CASK: variants seen among roughly 807,000 people sequenced by gnomAD.
CASK encodes the protein peripheral plasma membrane protein CASK.
In CASK, 4 loss-of-function variants were observed where a neutral mutation model predicts 82.9. The observed-to-expected ratio is 0.05, with a 90% CI of 0.02 to 0.11. The LOEUF (loss-of-function observed/expected upper bound fraction) is 0.11. Ranked by LOEUF, CASK falls within the 10% of genes least tolerant of loss-of-function variation. CASK has a pLI of 1.00. For missense variants in CASK, 358 were observed against 720.9 expected (o/e 0.50, Z 5.76); for synonymous variants, 259 against 253.5 (o/e 1.02, Z -0.20).
intron 11 of CASK, among the ~76,000 whole-genome samples, chrX:41,612,453 C>T (rs1379227315): frequency 1.9e-5 from 2 of 103,578 alleles, no homozygotes; most frequent in Non-Finnish European, 4.0e-5. Context: ...GTGAGGAGCC[C>T]CTCCGCCCGG....
rs775363462 is a variant in CASK at position 41,690,513 on chromosome X, A to AT, written c.430-18984dup. On this transcript the variant is annotated intron_variant, in intron 5 of 26. Transcript: ENST00000378163. ...AGGTGCGTGCCACCACGCCCTGCTAATTTTTTTTTTTTTTTTTGGTATTTT... is the reference window on the plus strand; with the variant it reads ...AGGTGCGTGCCACCACGCCCTGCTAATTTTTTTTTTTTTTTTTTGGTATTTT... Among the ~76,000 whole-genome samples, 441 of 91,607 alleles carry AT rather than the reference A, an allele frequency of 4.8e-3. 3 individuals carry two copies. The highest frequency in any genetic ancestry group is 0.013 in the African/African-American group (316 of 24,971). 79.5% of individuals were successfully genotyped at this position (91,607 alleles called of 115,157 possible).
chrX:41,915,192 G>T (rs2148098094), intron 1 of CASK, among the ~76,000 whole-genome samples: 1 of 110,574 alleles, frequency 9.0e-6, no homozygotes, highest in South Asian at 4.0e-4. Context: ...CTTCCACACA[G>T]ATGACTCCCA....
intron 6 of CASK, among the ~76,000 whole-genome samples, chrX:41,667,151 C>T (rs992189419): frequency 9.8e-5 from 11 of 111,686 alleles, no homozygotes; most frequent in South Asian, 3.7e-4. Flanking sequence ...TTTAGCTAGA[C>T]GAAGACTACC....
chrX:41,829,365 T>C (rs60346565), intron 2 of CASK, among the ~76,000 whole-genome samples: 398 of 109,728 alleles, frequency 3.6e-3, no homozygotes, highest in African/African-American at 0.013. Context: ...TTTATATAAA[T>C]GGAATCATAG....
rs2066817300 is a variant in CASK at position 41,649,102 on chromosome X, C to T, written c.831+11337G>A. ...ATTTCTGTGGGATTGGTGGTGATAT[C>T]CCCTTTATCATTTTTTATTGCGTCT... On this transcript the variant is annotated intron_variant, in intron 8 of 26. Transcript: ENST00000378163. Among the ~76,000 whole-genome samples, 4 of 111,282 alleles carry T rather than the reference C, an allele frequency of 3.6e-5. No individual in the cohort carries two copies. The South Asian group carries it at 1.5e-3, about 42-fold the overall frequency.
chrX:41,772,144 A>T (rs2069254550), intron 3 of CASK, among the ~76,000 whole-genome samples: 1 of 110,187 alleles, frequency 9.1e-6, no homozygotes, highest in Admixed American at 9.7e-5. Flanking sequence ...TGAAGTCAGG[A>T]GTTTGAGACC....
chrX:41,813,701 A>T (rs1290114384), intron 2 of CASK, among the ~76,000 whole-genome samples: 1 of 111,972 alleles, frequency 8.9e-6, no homozygotes, highest in Non-Finnish European at 1.9e-5. Context: ...TCATGTCCAA[A>T]ACACCAAAAG....
intron 2 of CASK, among the ~76,000 whole-genome samples, chrX:41,810,189 C>A (rs2070238622): frequency 8.9e-6 from 1 of 112,213 alleles, no homozygotes; most frequent in East Asian, 2.8e-4. Context: ...AGGAGAACTT[C>A]CCCAACCTAG....
intron 5 of CASK, among the ~76,000 whole-genome samples, chrX:41,680,343 G>A (rs916470478): frequency 1.5e-4 from 16 of 110,220 alleles, no homozygotes; most frequent in Non-Finnish European, 2.5e-4. Context: ...TTTGCTGGGC[G>A]TGGTGGCATG....
At chrX:41,522,006 T>C (rs180743668) in intron 26 of CASK, 67 of 111,795 alleles carry the variant, frequency 6.0e-4, no homozygotes, top group African/African-American at 2.1e-3. Flanking sequence ...TTCCAGGAAA[T>C]TGGGGCCCTG....
At position 41,520,483 on chromosome X, in the gene CASK, C is replaced by T. The variant is rs1385041979; in HGVS notation, c.2718G>A (p.Leu906=). 1.7e-6 allele frequency: 2 copies of T among 1,209,900 alleles called. No individual in the cohort carries two copies. Among genetic ancestry groups the T allele is most frequent in the Non-Finnish European group, 1.1e-6 (1 of 894,095 alleles). ...TGCACACGAGCTCAACAGCTTCCTCCAGATGTCTGATTGTCTCATCAATTT... is the reference window on the plus strand; with the variant it reads ...TGCACACGAGCTCAACAGCTTCCTCTAGATGTCTGATTGTCTCATCAATTT... The part of the protein sequence containing the change: ...NNEIDETIRH[L]EEAVELVCTA... Residue 906 remains leucine, a synonymous_variant, in exon 27 of 27, where the codon CTG becomes CTA. Coordinates refer to ENST00000378163, the MANE Select transcript of CASK (RefSeq NM_001367721.1).
chrX:41,785,952 A>G (rs182962049), intron 3 of CASK, among the ~76,000 whole-genome samples: 79 of 112,349 alleles, frequency 7.0e-4, no homozygotes, highest in Non-Finnish European at 1.3e-3. Flanking sequence ...TGATGAAGCC[A>G]GCTGCCATGC....
chrX:41,770,279 TCTATCTATCTATCTATCTAC>T (rs1329671852), intron 3 of CASK, among the ~76,000 whole-genome samples: 3 of 97,624 alleles, frequency 3.1e-5, no homozygotes, highest in Non-Finnish European at 6.2e-5. Context: ...TATCTATCTA[TCTATCTATCTATCTATCTAC>T]CTACCTACCT....
intron 3 of CASK, among the ~76,000 whole-genome samples, chrX:41,776,503 A>G (rs1400970028): frequency 8.9e-6 from 1 of 112,686 alleles, no homozygotes; most frequent in Admixed American, 9.4e-5. Flanking sequence ...AGATGTAAAA[A>G]AGTTGGAAAG....
rs190905011 is a variant in CASK at position 41,779,997 on chromosome X, A to C, written c.278+7181T>G. 4.0e-3 allele frequency among the ~76,000 whole-genome samples: 450 copies of C among 112,184 alleles called. 5 individuals are homozygous for C. The highest frequency in any genetic ancestry group is 0.014 in the African/African-American group (429 of 30,996). On this transcript the variant is annotated intron_variant, in intron 3 of 26. Coordinates refer to ENST00000378163, the MANE Select transcript of CASK (RefSeq NM_001367721.1). Reference sequence around the variant, plus strand: ...GATAAAAAATTTAAAAGATACAAAAAAATTATTTTAAAAGATACACATCAT... The same window carrying C: ...GATAAAAAATTTAAAAGATACAAAACAATTATTTTAAAAGATACACATCAT...
At chrX:41,662,431 T>C (rs1176436563) in intron 7 of CASK, among the ~76,000 whole-genome samples, 1 of 111,740 alleles carries the variant, frequency 8.9e-6, no homozygotes, top group Non-Finnish European at 1.9e-5. Flanking sequence ...TCATCAAACT[T>C]TTCTTTAAAA....
intron 2 of CASK, among the ~76,000 whole-genome samples, chrX:41,837,783 G>A (rs2070956333): frequency 8.9e-6 from 1 of 111,833 alleles, no homozygotes; most frequent in Admixed American, 9.5e-5. Flanking sequence ...GCTATGACGA[G>A]TATAGCTGCT....
intron 5 of CASK, among the ~76,000 whole-genome samples, chrX:41,717,479 G>A (rs1343157040): frequency 8.9e-6 from 1 of 112,108 alleles, no homozygotes; most frequent in African/African-American, 3.2e-5. Context: ...AGTTTATAGA[G>A]ATAAGGAAAA....
At chrX:41,844,441 T>A (rs2071109607) in intron 2 of CASK, among the ~76,000 whole-genome samples, 2 of 111,749 alleles carry the variant, frequency 1.8e-5, no homozygotes, top group South Asian at 7.3e-4. Context: ...TTTTGGTAGT[T>A]TGCCTCTTTC....
Sources: allele counts gnomAD v4.1 joint callset (sites outside exome capture counted in the v4.1 genomes callset), GRCh38; gene constraint gnomAD v4.1.1; transcripts MANE v1.5; gene names NCBI Gene and HGNC (gene_info 2026-07-23, HGNC 2026-07-21).